DNER: variants seen among roughly 807,000 people sequenced by gnomAD.
DNER encodes the protein delta/notch like EGF repeat containing.
Under a neutral mutation model 78.2 loss-of-function variants are expected in DNER, and 33 were observed. That is an observed-to-expected ratio of 0.42 (90% CI 0.32 to 0.56). The LOEUF (loss-of-function observed/expected upper bound fraction) is 0.56. DNER is among the 20% of genes least tolerant of loss of function. The pLI, the probability that DNER is intolerant of heterozygous loss-of-function variation, is 0.11. For synonymous variants in DNER, 417 were observed against 384.8 expected (o/e 1.08, Z -0.98); for missense variants, 918 against 975.3 (o/e 0.94, Z 0.78).
Position 229,693,645 on chromosome 2 carries a change from C to A in DNER, c.276+20503G>T, listed in dbSNP as rs1028635771. On this transcript the variant is annotated intron_variant, in intron 1 of 12. Transcript: ENST00000341772. Reference sequence around the variant, plus strand: ...GAAACCAGAGTAAAGGTCACTCTTGCTATGCAAAGAGACTGGCAGCATTTT... The same window carrying A: ...GAAACCAGAGTAAAGGTCACTCTTGATATGCAAAGAGACTGGCAGCATTTT... Among the ~76,000 whole-genome samples the A allele has an allele frequency of 2.0e-5, 3 of 152,220 alleles. No homozygotes were observed. The South Asian group carries it at 6.2e-4, about 32-fold the overall frequency.
chr2:229,668,965 C>T (rs1266759756), intron 1 of DNER, among the ~76,000 whole-genome samples: 1 of 152,006 alleles, frequency 6.6e-6, no homozygotes, highest in East Asian at 1.9e-4. Context: ...GACTTGGAAC[C>T]AGACCAAATG....
intron 8 of DNER, among the ~76,000 whole-genome samples, chr2:229,431,599 TACTC>T (rs1694008147): frequency 7.2e-6 from 1 of 139,534 alleles, no homozygotes; most frequent in East Asian, 2.1e-4. Context: ...AAAAAAAAGT[TACTC>T]AGGAGTTTAA....
chr2:229,508,122 C>T (rs1412482754), intron 6 of DNER, among the ~76,000 whole-genome samples: 1 of 152,106 alleles, frequency 6.6e-6, no homozygotes, highest in African/African-American at 2.4e-5. Context: ...AATGAGACTC[C>T]TTTTTATACC....
intron 1 of DNER, among the ~76,000 whole-genome samples, chr2:229,631,228 GA>G (rs796459709): frequency 2.0e-4 from 29 of 148,574 alleles, no homozygotes; most frequent in East Asian, 7.8e-4. Flanking sequence ...TACCTGCAGG[GA>G]AAAAAAAAAC....
intron 3 of DNER, among the ~76,000 whole-genome samples, chr2:229,587,501 T>G (rs961700914): frequency 6.6e-6 from 1 of 151,960 alleles, no homozygotes; most frequent in Non-Finnish European, 1.5e-5. Context: ...GAAAGCCAGG[T>G]AGACAAAAAT....
At chr2:229,497,786 A>G (rs1170136950) in intron 6 of DNER, among the ~76,000 whole-genome samples, 1 of 152,154 alleles carries the variant, frequency 6.6e-6, no homozygotes, top group African/African-American at 2.4e-5. Flanking sequence ...ATGTGAACAG[A>G]CCAAGAATGA....
chr2:229,367,150 A>G, intron 11 of DNER, 31 bp from the exon 12 acceptor site: 1 of 1,613,104 alleles, frequency 6.2e-7, no homozygotes, highest in Non-Finnish European at 8.5e-7. Flanking sequence ...ATGGCTGGGT[A>G]TGAGTTGTCA....
At chr2:229,519,149 G>C (rs1040920472) in intron 5 of DNER, among the ~76,000 whole-genome samples, 1 of 151,828 alleles carries the variant, frequency 6.6e-6, no homozygotes, top group Non-Finnish European at 1.5e-5. Flanking sequence ...ATGTAATATA[G>C]AGCCAAATAT....
chr2:229,630,939 T>G (rs1001027650), intron 1 of DNER, among the ~76,000 whole-genome samples: 13 of 151,876 alleles, frequency 8.6e-5, no homozygotes, highest in Non-Finnish European at 1.6e-4. Flanking sequence ...GGCCTCCAGC[T>G]GCATCCATGT....
chr2:229,386,799 T>A (rs1692877108), intron 11 of DNER, among the ~76,000 whole-genome samples: 1 of 152,052 alleles, frequency 6.6e-6, no homozygotes, highest in Non-Finnish European at 1.5e-5. Context: ...TCAGTTAGAA[T>A]GGCGATTATT....
chr2:229,611,582 T>A (rs1698049060), intron 1 of DNER, among the ~76,000 whole-genome samples: 1 of 152,214 alleles, frequency 6.6e-6, no homozygotes, highest in Non-Finnish European at 1.5e-5. Context: ...CAGAACAGGC[T>A]TATCGGCAAA....
At chr2:229,619,182 C>T (rs1185182061) in intron 1 of DNER, among the ~76,000 whole-genome samples, 1 of 152,004 alleles carries the variant, frequency 6.6e-6, no homozygotes. Context: ...CATACACACA[C>T]ACATAAAATA....
chr2:229,559,561 A>G (rs1404153447), intron 4 of DNER, among the ~76,000 whole-genome samples: 1 of 152,080 alleles, frequency 6.6e-6, no homozygotes, highest in African/African-American at 2.4e-5. Flanking sequence ...GGTCTACCAG[A>G]AAAAAGGAAG....
chr2:229,477,754 C>A (rs1695066945), intron 6 of DNER, among the ~76,000 whole-genome samples: 1 of 152,164 alleles, frequency 6.6e-6, no homozygotes. Context: ...AATTCTGTGA[C>A]CTCTCCTCCC....
chr2:229,473,551 A>G (rs1694969636), intron 7 of DNER, among the ~76,000 whole-genome samples: 1 of 152,176 alleles, frequency 6.6e-6, no homozygotes, highest in Admixed American at 6.5e-5. Context: ...TTGTTGTGAG[A>G]GTCAAATTAG....
chr2:229,680,324 G>T (rs568500239), intron 1 of DNER, among the ~76,000 whole-genome samples: 11 of 152,122 alleles, frequency 7.2e-5, no homozygotes, highest in Non-Finnish European at 1.6e-4. Context: ...CAGGGAAAAA[G>T]GTTTCCCTCC....
intron 4 of DNER, among the ~76,000 whole-genome samples, chr2:229,570,710 G>C (rs1697203621): frequency 6.6e-6 from 1 of 152,090 alleles, no homozygotes; most frequent in African/African-American, 2.4e-5. Context: ...GGCACGAGAG[G>C]AGAAGCGGGG....
intron 1 of DNER, among the ~76,000 whole-genome samples, chr2:229,645,220 T>C (rs573469067): frequency 6.6e-6 from 1 of 152,320 alleles, no homozygotes; most frequent in South Asian, 2.1e-4. Context: ...TTGCTCAGGC[T>C]AGTCTCAAAC....
At chr2:229,684,445 G>A (rs1299169926) in intron 1 of DNER, among the ~76,000 whole-genome samples, 1 of 151,694 alleles carries the variant, frequency 6.6e-6, no homozygotes, top group East Asian at 1.9e-4. Flanking sequence ...CACTATACAT[G>A]CTCACCCTGG....
Sources: gnomAD v4.1 joint callset for allele counts (sites outside exome capture counted in the v4.1 genomes callset) on GRCh38, gnomAD v4.1.1 for gene constraint, MANE v1.5 for transcripts, NCBI Gene and HGNC (gene_info 2026-07-23, HGNC 2026-07-21) for gene names.